The following HSF1 variants were observed in gnomAD, a reference collection of about 807,000 sequenced individuals.
HSF1 encodes the protein heat shock transcription factor 1.
A neutral mutation model predicts 51.7 loss-of-function variants in HSF1; 32 were observed. That is an observed-to-expected ratio of 0.62 (90% confidence interval 0.47 to 0.83). HSF1 has a LOEUF of 0.83. Ranked by LOEUF, HSF1 falls within the 40% of genes least tolerant of loss-of-function variation. HSF1 has a pLI of 0.00. For synonymous variants in HSF1, 396 were observed against 309.7 expected (o/e 1.28, Z -2.92); for missense variants, 727 against 717.0 (o/e 1.01, Z -0.16).
At position 144,301,911 on chromosome 8, in the gene HSF1, C is replaced by T. The variant is rs1332483549; in HGVS notation, c.118-6995C>T. On this transcript the variant is annotated intron_variant, in intron 1 of 12. Transcript: ENST00000528838. ...GAAGAGCCGTGCACGGTGGTGGTGC[C>T]TGTGGTGCCAGCTACTCAGAGGCTC... 1.3e-5 allele frequency among the ~76,000 whole-genome samples: 2 copies of T among 149,398 alleles called. 1 individual carries two copies. The highest frequency in any genetic ancestry group is 4.1e-4 in the East Asian group (2 of 4,844).
At chr8:144,296,707 T>C (rs1334681128) in intron 1 of HSF1, among the ~76,000 whole-genome samples, 1 of 151,208 alleles carries the variant, frequency 6.6e-6, no homozygotes, top group Non-Finnish European at 1.5e-5. Context: ...CTTGCGAGGC[T>C]GAGGCAGGAG....
chr8:144,302,050 C>T (rs1158922163), intron 1 of HSF1, among the ~76,000 whole-genome samples: 1 of 143,528 alleles, frequency 7.0e-6, no homozygotes, highest in African/African-American at 2.6e-5. Context: ...CCTGTAATCC[C>T]CGCTACTCGG....
rs144194697 is a variant in HSF1 at position 144,300,201 on chromosome 8, T to C, written c.117+8327T>C. Among the ~76,000 whole-genome samples, 1,243 of 148,858 alleles carry C rather than the reference T, an allele frequency of 8.4e-3. 14 individuals are homozygous for C. Among genetic ancestry groups the C allele is most frequent in the African/African-American group, 0.025 (1,006 of 40,496 alleles). On this transcript the variant is annotated intron_variant, in intron 1 of 12. Coordinates refer to ENST00000528838, the MANE Select transcript of HSF1 (RefSeq NM_005526.4). ...CCATCAGCAGTGACATGCGTATCAC[T>C]GTTGTGTACTCTTTTTTTTTTTTTT...
chr8:144,312,664 C>T, intron 9 of HSF1: 8 of 1,535,536 alleles, frequency 5.2e-6, no homozygotes, highest in Non-Finnish European at 7.0e-6. Flanking sequence ...GGGTCGCCCG[C>T]CTCTTCCCCT....
intron 1 of HSF1, among the ~76,000 whole-genome samples, chr8:144,308,331 G>A (rs1554843616): frequency 2.0e-5 from 3 of 152,236 alleles, no homozygotes; most frequent in Non-Finnish European, 4.4e-5. Flanking sequence ...CCTGAGCTCG[G>A]TAGAGAAATG....
In HSF1 at chr8:144,314,211, C is replaced by T. The variant is rs1817065125; in HGVS notation, c.1471C>T (p.Leu491=). ...CACCGGGAGCAACGACCTGCCGGTG[C>T]TGTTTGAGCTGGGAGAGGGCTCCTA... ...VDTGSNDLPV[L]FELGEGSYFS... The change falls in exon 13 of 13, where the codon CTG becomes TTG. Residue 491 remains leucine, a synonymous_variant. Coordinates refer to ENST00000528838, the MANE Select transcript of HSF1 (RefSeq NM_005526.4). The T allele has an allele frequency of 1.3e-6, 2 of 1,550,126 alleles. No homozygotes were observed. The highest frequency in any genetic ancestry group is 4.9e-5 in the East Asian group (2 of 40,906).
At position 144,313,591 on chromosome 8, in the gene HSF1, G is replaced by T. The variant is rs782042654; in HGVS notation, c.1223G>T (p.Ser408Ile). 6.2e-7 allele frequency: 1 copy of T among 1,608,928 alleles called. No individual in the cohort carries two copies. Among genetic ancestry groups the T allele is most frequent in the South Asian group, 1.1e-5 (1 of 91,024 alleles). The change falls in exon 10 of 13, where the codon AGC becomes ATC. Residue 408 changes from serine to isoleucine, a missense_variant. Coordinates refer to ENST00000528838, the MANE Select transcript of HSF1 (RefSeq NM_005526.4). Reference protein sequence around the residue: ...LQTMLSSHGFSVDTSALLDLF... With the variant: ...LQTMLSSHGFIVDTSALLDLF... ...ACCATGCTGAGCAGCCACGGCTTCAGCGTGGACACCAGTGCCCTGCTGGAC... is the reference window on the plus strand; with the variant it reads ...ACCATGCTGAGCAGCCACGGCTTCATCGTGGACACCAGTGCCCTGCTGGAC...
Position 144,312,628 on chromosome 8 carries a change from T to C in HSF1, c.1142+384T>C, listed in dbSNP as rs782622572. On this transcript the variant is annotated intron_variant, in intron 9 of 12. Transcript: ENST00000528838. ...GGGCTCTTGTTTTTGTATCTTGCAG[T>C]TTGGCTCGCACTCCACAGATGTCTA... 11 of 1,535,124 alleles carry C rather than the reference T, an allele frequency of 7.2e-6. No individual in the cohort carries two copies. The South Asian group carries it at 1.3e-4, about 18-fold the overall frequency.
At chr8:144,311,028 A>G (rs1588659811) in intron 4 of HSF1, 146 bp from the exon 5 acceptor site, 2 of 726,484 alleles carry the variant, frequency 2.8e-6, no homozygotes, top group Admixed American at 5.4e-5. Flanking sequence ...CCCTCCACAC[A>G]CAAGTTCTCA....
At position 144,291,713 on chromosome 8, in the gene HSF1, C is replaced by G. The variant is rs1290151914; in HGVS notation, c.-45C>G. ...CGACGGCGTTAGCCCGGCCCTCGGC[C>G]CCTCTTTGCGGCCGCTCCCTCCGCC... On this transcript the variant is annotated 5_prime_UTR_variant, in exon 1 of 13. Coordinates refer to ENST00000528838, the MANE Select transcript of HSF1 (RefSeq NM_005526.4). The surrounding 1 kb of genome is among the most constrained non-coding windows in gnomAD (Gnocchi z 4.1). 28 of 1,181,092 alleles carry G rather than the reference C, an allele frequency of 2.4e-5. No homozygotes were observed. Among genetic ancestry groups the G allele is most frequent in the Non-Finnish European group, 9.4e-6 (8 of 850,054 alleles). The allele number at this position is 1,181,092 out of a possible 1,614,324, so 73.2% of individuals were successfully genotyped here.
At position 144,309,514 on chromosome 8, in the gene HSF1, G is replaced by T; in HGVS notation, c.286G>T (p.Asp96Tyr). The T allele has an allele frequency of 6.2e-7, 1 of 1,614,078 alleles. No individual in the cohort carries two copies. The highest frequency in any genetic ancestry group is 2.2e-5 in the East Asian group (1 of 44,884). The stretch of plus-strand genomic sequence containing the variant: ...CGGCCTGGTCAAGCCAGAGAGAGAC[G>T]ACACGGAGTTCCAGCACCCATGCTT... ...QGGLVKPERD[D>Y]TEFQHPCFLR... Residue 96 changes from aspartate (D) to tyrosine (Y), a missense_variant, in exon 3 of 13, where the codon GAC becomes TAC. By Grantham distance (160) the Asp-to-Tyr change is radical. Around this residue, in one of 2 missense-constraint regions of HSF1, gnomAD observed 257 missense variants for 318.3 expected, o/e 0.81. Coordinates refer to ENST00000528838, the MANE Select transcript of HSF1 (RefSeq NM_005526.4).
intron 1 of HSF1, among the ~76,000 whole-genome samples, chr8:144,304,140 TGAGGG>T (rs34331773): frequency 0.51 from 77,719 of 151,318 alleles, 20,236 homozygotes; most frequent in Admixed American, 0.65. Flanking sequence ...ATTTGGGAAT[TGAGGG>T]GAGAAGGGTC....
At chr8:144,295,073 G>A (rs961787360) in intron 1 of HSF1, among the ~76,000 whole-genome samples, 1 of 152,206 alleles carries the variant, frequency 6.6e-6, no homozygotes, top group African/African-American at 2.4e-5. Flanking sequence ...TGAGACCCGG[G>A]ACCCGCAGCC....
In HSF1 at chr8:144,297,708, A is replaced by G. The variant is rs1460046273; in HGVS notation, c.117+5834A>G. Among the ~76,000 whole-genome samples the G allele has an allele frequency of 1.3e-5, 2 of 152,102 alleles. No individual in the cohort carries two copies. Among genetic ancestry groups the G allele is most frequent in the African/African-American group, 2.4e-5 (1 of 41,390 alleles). On this transcript the variant is annotated intron_variant, in intron 1 of 12. Transcript: ENST00000528838. This position sits in a 1 kb window ranked among gnomAD's most constrained non-coding sequence, Gnocchi z 4.6. Reference sequence around the variant, plus strand: ...AAGCCTATACTCCCGGGACCCGGAGAGGGAACAGCCGGCCAGCCGAGCCCA... The same window carrying G: ...AAGCCTATACTCCCGGGACCCGGAGGGGGAACAGCCGGCCAGCCGAGCCCA...
chr8:144,303,738 C>A (rs368513531), intron 1 of HSF1, among the ~76,000 whole-genome samples: 2 of 152,022 alleles, frequency 1.3e-5, no homozygotes, highest in African/African-American at 2.4e-5. Flanking sequence ...ATAAGCCGGG[C>A]GTGGTGGCAC....
At chr8:144,298,786 A>G (rs1247464439) in intron 1 of HSF1, among the ~76,000 whole-genome samples, 1 of 152,206 alleles carries the variant, frequency 6.6e-6, no homozygotes, top group Non-Finnish European at 1.5e-5. Flanking sequence ...AGTTACGCCC[A>G]AAACAAAGAG....
intron 1 of HSF1, among the ~76,000 whole-genome samples, chr8:144,292,323 C>T (rs1477255931): frequency 6.6e-6 from 1 of 152,292 alleles, no homozygotes; most frequent in East Asian, 1.9e-4. Context: ...AAGTGGAGGG[C>T]GTTGCTGTAG....
chr8:144,307,291 CTT>C (rs782531939), intron 1 of HSF1, among the ~76,000 whole-genome samples: 4 of 152,212 alleles, frequency 2.6e-5, no homozygotes, highest in Non-Finnish European at 5.9e-5. Context: ...GGAGTGGACT[CTT>C]AGGTCAGATG....
chr8:144,296,930 G>GC (rs374873607), intron 1 of HSF1, among the ~76,000 whole-genome samples: 3 of 151,980 alleles, frequency 2.0e-5, no homozygotes, highest in Non-Finnish European at 4.4e-5. Context: ...GGTGTGGTGG[G>GC]GGGGGTGCGG....
Sources: allele counts gnomAD v4.1 joint callset (sites outside exome capture counted in the v4.1 genomes callset), GRCh38; gene constraint gnomAD v4.1.1; regional missense constraint gnomAD v4.1.1; non-coding constraint Gnocchi (gnomAD v3.1); transcripts MANE v1.5; gene names NCBI Gene and HGNC (gene_info 2026-07-23, HGNC 2026-07-21).